The following RORA variants were observed in gnomAD, a reference collection of about 807,000 sequenced individuals.
The protein encoded by RORA is nuclear receptor ROR-alpha.
A neutral mutation model predicts 69.5 loss-of-function variants in RORA; 7 were observed. The ratio of observed to expected loss-of-function variants is 0.10; its 90% CI spans 0.06 to 0.19. The LOEUF is 0.19. Ranked by LOEUF, RORA falls within the 10% of genes least tolerant of loss-of-function variation. RORA has a pLI of 1.00. For missense variants in RORA, 457 were observed against 663.0 expected (o/e 0.69, Z 3.41); for synonymous variants, 261 against 240.8 (o/e 1.08, Z -0.78).
At chr15:60,983,961 A>C (rs1380251641) in intron 1 of RORA, among the ~76,000 whole-genome samples, 2 of 152,222 alleles carry the variant, frequency 1.3e-5, no homozygotes, top group Admixed American at 1.3e-4. Flanking sequence ...AACATAGAGA[A>C]GAGGCAGAAT....
chr15:60,613,696 C>CTGTGTGTGTG (rs66616801), intron 2 of RORA, among the ~76,000 whole-genome samples: 22 of 125,362 alleles, frequency 1.8e-4, no homozygotes, highest in South Asian at 8.6e-4. Context: ...AATTTGATAT[C>CTGTGTGTGTG]TGTGTGTGTG....
At chr15:60,743,570 C>G (rs1173262127) in intron 1 of RORA, among the ~76,000 whole-genome samples, 2 of 152,172 alleles carry the variant, frequency 1.3e-5, no homozygotes, top group African/African-American at 4.8e-5. Flanking sequence ...CTGCTATAGA[C>G]ACTGATAAGT....
chr15:60,517,077 A>C (rs1208226356), intron 3 of RORA, among the ~76,000 whole-genome samples: 2 of 148,032 alleles, frequency 1.4e-5, no homozygotes, highest in Admixed American at 1.3e-4. Context: ...GGTGGGGCCA[A>C]TCAGATTTTA....
At chr15:60,712,989 G>A (rs555845676) in intron 1 of RORA, among the ~76,000 whole-genome samples, 16 of 151,400 alleles carry the variant, frequency 1.1e-4, no homozygotes, top group South Asian at 4.2e-4. Flanking sequence ...GGTTAAGCAG[G>A]GAAAAAAAAA....
At chr15:60,999,526 G>T (rs752361043) in intron 1 of RORA, among the ~76,000 whole-genome samples, 5 of 152,168 alleles carry the variant, frequency 3.3e-5, no homozygotes, top group Non-Finnish European at 7.3e-5. Flanking sequence ...TTCAAAACTA[G>T]CAGGTTGTCT....
rs1352171107 is a variant in RORA at position 60,488,804 on chromosome 15, A to C, written c.*8651T>G. ...TATTTACAGAAGGCTGAGTTTGTTT[A>C]CTCAAACAGAAGTTTGTGAAATTTG... is the stretch of plus-strand genomic sequence containing the variant. On this transcript the variant is annotated 3_prime_UTR_variant, in exon 11 of 11. Transcript: ENST00000335670. The C allele has an allele frequency of 6.6e-6, 1 of 152,204 alleles. No homozygotes were observed. The highest frequency in any genetic ancestry group is 2.4e-5 in the African/African-American group (1 of 41,460). 9.4% of individuals were successfully genotyped at this position (152,204 alleles called of 1,614,324 possible). A position where few individuals can be genotyped will look rare whatever the true frequency, so the allele number is the denominator to read the frequency against.
At chr15:60,586,049 AT>A (rs1412781748) in intron 2 of RORA, among the ~76,000 whole-genome samples, 1 of 152,174 alleles carries the variant, frequency 6.6e-6, no homozygotes, top group Admixed American at 6.5e-5. Context: ...TCCTTTAATT[AT>A]TTTTGTAGTA....
chr15:60,712,590 G>A (rs2071159523), intron 1 of RORA, among the ~76,000 whole-genome samples: 1 of 152,180 alleles, frequency 6.6e-6, no homozygotes, highest in Non-Finnish European at 1.5e-5. Flanking sequence ...ATCTGCGATA[G>A]GACCCAGTGT....
At chr15:60,845,115 A>G (rs1055777661) in intron 1 of RORA, among the ~76,000 whole-genome samples, 1 of 152,176 alleles carries the variant, frequency 6.6e-6, no homozygotes, top group Non-Finnish European at 1.5e-5. Flanking sequence ...TGACACTGGT[A>G]TAAAATGAAA....
At chr15:60,613,194 C>G (rs532893098) in intron 2 of RORA, among the ~76,000 whole-genome samples, 24 of 152,174 alleles carry the variant, frequency 1.6e-4, no homozygotes, top group African/African-American at 5.5e-4. Flanking sequence ...TAACATGTAT[C>G]ACTACAACCG....
intron 1 of RORA, among the ~76,000 whole-genome samples, chr15:60,699,500 G>T (rs989759665): frequency 6.6e-6 from 1 of 152,052 alleles, no homozygotes; most frequent in African/African-American, 2.4e-5. Context: ...ATATCAAAAA[G>T]GCTTAGAGCC....
intron 1 of RORA, among the ~76,000 whole-genome samples, chr15:61,054,973 A>G (rs2078073749): frequency 3.3e-5 from 5 of 151,966 alleles, no homozygotes; most frequent in South Asian, 2.1e-4. Context: ...AATAGCTGGG[A>G]CTACAGGTGC....
chr15:60,549,330 A>G (rs1328946851), intron 2 of RORA, among the ~76,000 whole-genome samples: 2 of 152,294 alleles, frequency 1.3e-5, no homozygotes, highest in Admixed American at 1.3e-4. Context: ...TTACTATATC[A>G]CCAGGGCATA....
intron 2 of RORA, among the ~76,000 whole-genome samples, chr15:60,671,721 C>T (rs1281608524): frequency 6.6e-6 from 1 of 151,932 alleles, no homozygotes; most frequent in Non-Finnish European, 1.5e-5. Flanking sequence ...AAGTGATTCT[C>T]ATGCCTCAGC....
intron 1 of RORA, among the ~76,000 whole-genome samples, chr15:60,852,226 G>A (rs995699251): frequency 1.3e-5 from 2 of 152,176 alleles, no homozygotes; most frequent in Non-Finnish European, 2.9e-5. Context: ...GTGGTCGGGT[G>A]GGTGACACAA....
intron 1 of RORA, among the ~76,000 whole-genome samples, chr15:61,111,172 G>T (rs782924): frequency 0.11 from 17,273 of 152,258 alleles, 1,246 homozygotes; most frequent in African/African-American, 0.2. Context: ...CTCTTTTTAA[G>T]GTGAAGGAAC....
chr15:61,099,980 G>A (rs1338290649), intron 1 of RORA, among the ~76,000 whole-genome samples: 1 of 152,002 alleles, frequency 6.6e-6, no homozygotes, highest in Non-Finnish European at 1.5e-5. Context: ...AATTTAAAAA[G>A]AAGGAAACAA....
intron 1 of RORA, among the ~76,000 whole-genome samples, chr15:60,907,499 T>C (rs1401925034): frequency 6.6e-6 from 1 of 152,226 alleles, no homozygotes; most frequent in Non-Finnish European, 1.5e-5. Flanking sequence ...GATTAGAAGA[T>C]ATCTCAAGTC....
intron 1 of RORA, among the ~76,000 whole-genome samples, chr15:60,839,058 A>G (rs1227477086): frequency 6.6e-6 from 1 of 151,826 alleles, no homozygotes; most frequent in African/African-American, 2.4e-5. Context: ...CCACCTGGCT[A>G]AATTTTTTTT....
Sources: allele counts gnomAD v4.1 joint callset (sites outside exome capture counted in the v4.1 genomes callset), GRCh38; gene constraint gnomAD v4.1.1; transcripts MANE v1.5; gene names NCBI Gene and HGNC (gene_info 2026-07-23, HGNC 2026-07-21).